F11: variants seen among roughly 807,000 people sequenced by gnomAD.
F11 encodes the protein coagulation factor XI.
In F11, 78 loss-of-function variants were observed where a neutral mutation model predicts 76.5. That is an observed-to-expected ratio of 1.02 (90% CI 0.85 to 1.23). F11 has a LOEUF of 1.23. Among genes scored for constraint, F11 ranks in the 50% most tolerant of loss-of-function variants. The probability of loss-of-function intolerance (pLI) is 0.00; values close to 1 mark genes in which losing one functional copy is unlikely to be tolerated. For missense variants in F11, 742 were observed against 771.4 expected (o/e 0.96, Z 0.45); for synonymous variants, 278 against 276.3 (o/e 1.01, Z -0.06).
In F11 at chr4:186,272,493, T is replaced by C. The variant is rs1019838403; in HGVS notation, c.219-578T>C. Reference sequence around the variant, plus strand: ...TTTTAAACAGTCCACCAACCATTTGTATTCCCATCCTGAGCTTGAAAATTT... The same window carrying C: ...TTTTAAACAGTCCACCAACCATTTGCATTCCCATCCTGAGCTTGAAAATTT... On this transcript the variant is annotated intron_variant, in intron 3 of 14. Coordinates refer to ENST00000403665, the MANE Select transcript of F11 (RefSeq NM_000128.4). Among the ~76,000 whole-genome samples, 4 of 152,232 alleles carry C rather than the reference T, an allele frequency of 2.6e-5. No homozygotes were observed. The South Asian group carries it at 8.3e-4, about 32-fold the overall frequency.
At chr4:186,278,027 G>A (rs1712434927) in intron 7 of F11, among the ~76,000 whole-genome samples, 1 of 152,144 alleles carries the variant, frequency 6.6e-6, no homozygotes, top group African/African-American at 2.4e-5. Context: ...TAGAACTCCT[G>A]GCCTCAAGCA....
chr4:186,286,613 C>T, intron 13 of F11, 103 bp downstream of exon 13: 2 of 1,573,348 alleles, frequency 1.3e-6, no homozygotes, highest in Non-Finnish European at 1.7e-6. Flanking sequence ...AGTCACACTA[C>T]TCAGTTGCAG....
intron 5 of F11, chr4:186,274,568 TATG>T (rs1740230258): frequency 2.4e-6 from 1 of 423,918 alleles, no homozygotes; most frequent in Non-Finnish European, 4.4e-6. Flanking sequence ...CTGCAATTGG[TATG>T]ATTGTCAGTG....
chr4:186,286,684 G>A, intron 13 of F11, 174 bp downstream of exon 13: 3 of 985,408 alleles, frequency 3.0e-6, no homozygotes, highest in Non-Finnish European at 3.6e-6. Flanking sequence ...TGCCTCATAT[G>A]TTTGATTGGA....
Position 186,284,168 on chromosome 4 carries a change from C to A in F11, c.1212C>A (p.Thr404=). ...SVRGEWPWQV[T]LHTTSPTQRH... ...GTGGTGAGTGGCCGTGGCAGGTGAC[C>A]CTGCACACAACCTCACCCACTCAGA... Residue 404 remains threonine, a synonymous_variant, in exon 11 of 15, where the codon ACC becomes ACA. Transcript: ENST00000403665. 1 of 1,614,176 alleles carries A rather than the reference C, an allele frequency of 6.2e-7. No individual in the cohort carries two copies. The highest frequency in any genetic ancestry group is 1.3e-5 in the African/African-American group (1 of 75,026).
In F11 at chr4:186,274,322, G is replaced by C. The variant is rs143650122; in HGVS notation, c.485+47G>C. 12 of 1,612,472 alleles carry C rather than the reference G, an allele frequency of 7.4e-6. No individual in the cohort carries two copies. The Admixed American group carries it at 8.3e-5, about 11-fold the overall frequency. On this transcript the variant is annotated intron_variant, in intron 5 of 14. Transcript: ENST00000403665. ...CGAGTGGTCGATGAAAAACAGAATCGTGATTTACTAAAAAGCTTTTGCCAT... is the reference window on the plus strand; with the variant it reads ...CGAGTGGTCGATGAAAAACAGAATCCTGATTTACTAAAAAGCTTTTGCCAT...
intron 10 of F11, chr4:186,282,277 G>GTCAA: frequency 2.0e-6 from 2 of 985,306 alleles, no homozygotes; most frequent in Non-Finnish European, 2.4e-6. Context: ...AATATGCCAG[G>GTCAA]TATAGATTGA....
rs780637390 is a variant in F11 at position 186,284,210 on chromosome 4, C to G, written c.1254C>G (p.Gly418=). The change falls in exon 11 of 15, where the codon GGC becomes GGG. Residue 418 remains glycine (G), a synonymous_variant. Coordinates refer to ENST00000403665, the MANE Select transcript of F11 (RefSeq NM_000128.4). ...CCACTCAGAGACACCTGTGTGGAGG[C>G]TCCATCATTGGAAACCAGTGGATAT... The part of the protein sequence containing the change: ...TSPTQRHLCG[G]SIIGNQWILT... 3 of 1,614,238 alleles carry G rather than the reference C, an allele frequency of 1.9e-6. No individual in the cohort carries two copies. The highest frequency in any genetic ancestry group is 2.5e-6 in the Non-Finnish European group (3 of 1,180,042).
rs1472813944 is a variant in F11, at chr4:186,286,457, A to G, written c.1523A>G (p.Asn508Ser). Reference protein sequence around the residue: ...PICLPSKGDRNVIYTDCWVTG... With the variant: ...PICLPSKGDRSVIYTDCWVTG... ...TGCCTGCCTTCCAAAGGAGATAGAA[A>G]TGTAATATACACTGATTGCTGGGTG... Residue 508 changes from asparagine to serine, a missense_variant, in exon 13 of 15, where the codon AAT becomes AGT. Physicochemically the swap from Asn to Ser is conservative, Grantham distance 46. Coordinates refer to ENST00000403665, the MANE Select transcript of F11 (RefSeq NM_000128.4). The G allele has an allele frequency of 5.6e-6, 9 of 1,614,038 alleles. No individual in the cohort carries two copies. Among genetic ancestry groups the G allele is most frequent in the Non-Finnish European group, 5.1e-6 (6 of 1,179,924 alleles).
rs1161966488 is a variant in F11, at chr4:186,274,147, C to G, written c.357C>G (p.Asp119Glu). The change falls in exon 5 of 15, where the codon GAC (aspartate) becomes GAG (glutamate). Residue 119 changes from aspartate to glutamate, a missense_variant. Physicochemically the swap from Asp to Glu is conservative, Grantham distance 45 (BLOSUM62 2). Coordinates refer to ENST00000403665, the MANE Select transcript of F11 (RefSeq NM_000128.4). Reference protein sequence around the residue: ...ACNKDIYVDLDMKGINYNSSV... With the variant: ...ACNKDIYVDLEMKGINYNSSV... Reference sequence around the variant, plus strand: ...ACAAAGACATTTATGTGGACCTAGACATGAAGGGCATAAACTATAACAGCT... The same window carrying G: ...ACAAAGACATTTATGTGGACCTAGAGATGAAGGGCATAAACTATAACAGCT... 6.2e-7 allele frequency: 1 copy of G among 1,614,108 alleles called. No homozygotes were observed. The highest frequency in any genetic ancestry group is 1.7e-5 in the Admixed American group (1 of 60,012).
At chr4:186,287,531 C>T (rs1169254700) in intron 13 of F11, 153 bp from the exon 14 acceptor site, 2 of 231,422 alleles carry the variant, frequency 8.6e-6, no homozygotes, top group African/African-American at 2.3e-5. Context: ...TAGCAGTGAG[C>T]TGAGATTGCA....
intron 5 of F11, among the ~76,000 whole-genome samples, chr4:186,275,498 T>TAA (rs112655971): frequency 4.2e-4 from 63 of 150,954 alleles, no homozygotes; most frequent in South Asian, 1.5e-3. Flanking sequence ...CCGTCTCAAA[T>TAA]AAAAAAAAAC....
At chr4:186,282,335 T>G in intron 10 of F11, 1 of 985,412 alleles carries the variant, frequency 1.0e-6, no homozygotes, top group Non-Finnish European at 1.2e-6. Flanking sequence ...GTCTTACGTC[T>G]TTTCAGTGCA....
At chr4:186,282,203 C>A in intron 10 of F11, 2 of 1,060,068 alleles carry the variant, frequency 1.9e-6, no homozygotes, top group Non-Finnish European at 1.2e-6. Context: ...TGCATTTTCC[C>A]CCTTCCTTCT....
At chr4:186,270,460 C>T (rs755844991) in intron 2 of F11, among the ~76,000 whole-genome samples, 1 of 152,038 alleles carries the variant, frequency 6.6e-6, no homozygotes, top group Admixed American at 6.6e-5. Flanking sequence ...ATATATTATG[C>T]GGCGGTGAAG....
chr4:186,278,029 C>T (rs1740513424), intron 7 of F11, among the ~76,000 whole-genome samples: 2 of 152,132 alleles, frequency 1.3e-5, no homozygotes, highest in African/African-American at 2.4e-5. Flanking sequence ...GAACTCCTGG[C>T]CTCAAGCAAT....
chr4:186,276,019 C>T, intron 6 of F11, 123 bp downstream of exon 6: 1 of 955,324 alleles, frequency 1.0e-6, no homozygotes, highest in Non-Finnish European at 1.6e-6. Context: ...TTACCTTCTT[C>T]ATGTGATAGA....
intron 2 of F11, among the ~76,000 whole-genome samples, chr4:186,270,425 G>A (rs1400170676): frequency 6.6e-6 from 1 of 152,122 alleles, no homozygotes; most frequent in Non-Finnish European, 1.5e-5. Flanking sequence ...TGTTTAGGGG[G>A]TGTAAGTGCA....
chr4:186,279,133 C>G (rs1294973393), intron 7 of F11, among the ~76,000 whole-genome samples: 1 of 152,032 alleles, frequency 6.6e-6, no homozygotes, highest in Non-Finnish European at 1.5e-5. Context: ...GCCTGTAATC[C>G]CAGCACTTTG....
Sources: allele counts gnomAD v4.1 joint callset (sites outside exome capture counted in the v4.1 genomes callset), GRCh38; gene constraint gnomAD v4.1.1; transcripts MANE v1.5; gene names NCBI Gene and HGNC (gene_info 2026-07-23, HGNC 2026-07-21).